Variants in GAS5 observed in about 807,000 individuals in gnomAD.
The protein encoded by GAS5 is growth arrest specific 5.
At chr1:173,864,907 G>A (rs753782761) in intron 6 of GAS5, 23 of 518,528 alleles carry the variant, frequency 4.4e-5, no homozygotes, top group South Asian at 2.4e-4. Flanking sequence ...TCATTGTATC[G>A]GCTTTACAAC....
chr1:173,864,619 A>G (rs976513402), intron 6 of GAS5: 50 of 379,980 alleles, frequency 1.3e-4, no homozygotes, highest in South Asian at 9.2e-4. Flanking sequence ...ATTAAGGTGT[A>G]TATGCCACCA....
intron 4 of GAS5, chr1:173,865,902 A>G (rs577553605): frequency 1.5e-4 from 78 of 519,110 alleles, no homozygotes; most frequent in Middle Eastern, 1.3e-3. Context: ...CACCTAAGAA[A>G]TAAGAGTGGT....
intron 6 of GAS5, chr1:173,865,056 A>G (rs1654353173): frequency 2.8e-6 from 1 of 362,030 alleles, no homozygotes; most frequent in African/African-American, 2.1e-5. Flanking sequence ...AAAATTAGCC[A>G]GGCATGGTGT....
chr1:173,866,781 T>C, exon 2 of GAS5: 2 of 765,168 alleles, frequency 2.6e-6, no homozygotes, highest in Non-Finnish European at 4.8e-6. Flanking sequence ...ATTCTCATCC[T>C]TCCTTGGGGA....
upstream of GAS5, chr1:173,867,462 A>G (rs373774941): frequency 1.4e-5 from 5 of 360,912 alleles, no homozygotes; most frequent in East Asian, 7.3e-5. Flanking sequence ...CCATTAACCG[A>G]TGTCGAGCCA....
intron 1 of GAS5, chr1:173,866,834 G>C (rs775047821): frequency 3.9e-6 from 3 of 765,438 alleles, no homozygotes; most frequent in Non-Finnish European, 7.2e-6. Flanking sequence ...CAGTGAGAAT[G>C]AACCTCACAG....
exon 2 of GAS5, chr1:173,866,772 T>C (rs545139982): frequency 9.1e-6 from 7 of 765,344 alleles, no homozygotes; most frequent in South Asian, 5.4e-5. Context: ...TCAGTAGCTA[T>C]TCTCATCCTT....
chr1:173,866,987 T>G, intron 1 of GAS5: 1 of 765,484 alleles, frequency 1.3e-6, no homozygotes. Context: ...TCCCCAATTC[T>G]TACCTGTCCA....
At chr1:173,864,206 G>A (rs754719629) in intron 7 of GAS5, 3 of 518,208 alleles carry the variant, frequency 5.8e-6, no homozygotes, top group South Asian at 4.2e-5. Context: ...GTTGGATTGA[G>A]ATCATCATGT....
At chr1:173,867,444 G>A (rs1654927650), upstream of GAS5, 2 of 357,874 alleles carry the variant, frequency 5.6e-6, no homozygotes, top group Admixed American at 3.7e-5. Context: ...CTCGGGACGC[G>A]GAGGTTGCCA....
chr1:173,865,524 C>G (rs1422607247), exon 6 of GAS5: 4 of 512,316 alleles, frequency 7.8e-6, no homozygotes, highest in Admixed American at 2.0e-5. Flanking sequence ...GCAAGTCATC[C>G]ATGGATAAAA....
intron 1 of GAS5, chr1:173,866,940 A>T: frequency 1.3e-6 from 1 of 765,524 alleles, no homozygotes; most frequent in Non-Finnish European, 2.4e-6. Context: ...TCACAGGCTG[A>T]GACCACCTCT....
chr1:173,866,172 C>T, intron 4 of GAS5: 1 of 465,438 alleles, frequency 2.1e-6, no homozygotes, highest in Non-Finnish European at 4.3e-6. Flanking sequence ...TACAGTTTCA[C>T]TTACCATTTC....
At chr1:173,867,925 C>T (rs1344108896), upstream of GAS5, 1 of 363,848 alleles carries the variant, frequency 2.7e-6, no homozygotes, top group Non-Finnish European at 5.5e-6. Context: ...CTGGAGCGCC[C>T]CAAAACCCGC....
rs201246074 is a variant in GAS5, at chr1:173,866,013, C to T, written n.162-119G>A. On this transcript the variant is annotated intron_variant and non_coding_transcript_variant, in intron 4 of 7. Coordinates refer to ENST00000651080, the Ensembl canonical transcript of GAS5. ...GACCTTCATGTTCAGTCAGCATTTG[C>T]TTATCATCATCCAGGCTGCATTTAC... 107 of 519,154 alleles carry T rather than the reference C, an allele frequency of 2.1e-4. No homozygotes were observed. The East Asian group carries it at 4.6e-3, about 22-fold the overall frequency. The allele number at this position is 519,154 out of a possible 1,614,324, so 32.2% of individuals were successfully genotyped here. A position where few individuals can be genotyped will look rare whatever the true frequency, so the allele number is the denominator to read the frequency against.
upstream of GAS5, chr1:173,868,729 G>T (rs544441300): frequency 6.5e-6 from 1 of 153,046 alleles, no homozygotes; most frequent in African/African-American, 2.4e-5. Flanking sequence ...CGGTCCCTGG[G>T]CGCCGCCCCC....
At chr1:173,866,531 T>G (rs1572023794) in exon 3 of GAS5, 1 of 721,694 alleles carries the variant, frequency 1.4e-6, no homozygotes, top group Non-Finnish European at 2.5e-6. Flanking sequence ...GTCTCACCTG[T>G]GTGCCAATGG....
chr1:173,865,775 G>A, intron 5 of GAS5: 2 of 518,338 alleles, frequency 3.9e-6, no homozygotes, highest in East Asian at 5.5e-5. Flanking sequence ...CATCAGCCAA[G>A]CCTTAAGCCA....
chr1:173,864,429 T>G (rs1470191763), intron 6 of GAS5: 1 of 518,878 alleles, frequency 1.9e-6, no homozygotes, highest in Non-Finnish European at 3.8e-6. Context: ...TTTGGCAGAA[T>G]CATTACATCA....
Sources: allele counts gnomAD v4.1 joint callset, GRCh38; gene constraint gnomAD v4.1.1; transcripts MANE v1.5; gene names NCBI Gene and HGNC (gene_info 2026-07-23, HGNC 2026-07-21).